Variants in AXIN1 observed in about 807,000 individuals in gnomAD.
The protein encoded by AXIN1 is axin 1, also known as axin-1.
A neutral mutation model predicts 76.4 loss-of-function variants in AXIN1; 30 were observed. That is an observed-to-expected ratio of 0.39 (90% confidence interval 0.29 to 0.53). The LOEUF (loss-of-function observed/expected upper bound fraction) is 0.53. Among genes scored for constraint, AXIN1 ranks in the 20% least tolerant of loss-of-function variants. The probability of loss-of-function intolerance (pLI) is 0.66; values close to 1 mark genes in which losing one functional copy is unlikely to be tolerated. For synonymous variants in AXIN1, 545 were observed against 501.4 expected (o/e 1.09, Z -1.16); for missense variants, 1,140 against 1,198.8 (o/e 0.95, Z 0.72).
rs2052615551 is a variant in AXIN1 at position 293,175 on chromosome 16, G to A, written c.2186+313C>T. The stretch of plus-strand genomic sequence containing the variant: ...GCGAGCAGCCTCTGGCTGGGGACCG[G>A]CGTTCCCCACACACTGGGGCCCTGC... On this transcript the variant is annotated intron_variant, in intron 8 of 10. Transcript: ENST00000262320. The surrounding 1 kb of genome is among the most constrained non-coding windows in gnomAD (Gnocchi z 4.6). 6.5e-6 allele frequency: 3 copies of A among 458,662 alleles called. No individual in the cohort carries two copies. Among genetic ancestry groups the A allele is most frequent in the South Asian group, 5.9e-5 (2 of 33,834 alleles). 28.4% of individuals were successfully genotyped at this position (458,662 alleles called of 1,614,324 possible).
At chr16:310,310 A>C (rs951639530) in intron 3 of AXIN1, among the ~76,000 whole-genome samples, 1 of 152,156 alleles carries the variant, frequency 6.6e-6, no homozygotes, top group Admixed American at 6.5e-5. Flanking sequence ...GCGTCTTCCT[A>C]GCTGGTATTT....
chr16:302,680 G>A (rs1302691235), intron 5 of AXIN1, among the ~76,000 whole-genome samples: 1 of 152,216 alleles, frequency 6.6e-6, no homozygotes, highest in African/African-American at 2.4e-5. Flanking sequence ...AAGAGTGAGT[G>A]TACCGAGGGG....
At chr16:290,292 G>A (rs556115192) in intron 9 of AXIN1, 4 of 158,014 alleles carry the variant, frequency 2.5e-5, no homozygotes, top group Admixed American at 1.8e-4. Flanking sequence ...TCCTGGCTGG[G>A]TGCACCAGAG....
intron 2 of AXIN1, among the ~76,000 whole-genome samples, chr16:321,948 T>C (rs2053468914): frequency 6.6e-6 from 1 of 152,220 alleles, no homozygotes; most frequent in African/African-American, 2.4e-5. Context: ...ACCAGCTGTA[T>C]TCTGAAAGAC....
chr16:339,834 C>G (rs2053880467), intron 2 of AXIN1, among the ~76,000 whole-genome samples: 1 of 152,180 alleles, frequency 6.6e-6, no homozygotes, highest in Non-Finnish European at 1.5e-5. Flanking sequence ...CAGCAGAGGT[C>G]CCCTTAACAA....
chr16:322,120 G>T (rs2053472254), intron 2 of AXIN1, among the ~76,000 whole-genome samples: 1 of 152,338 alleles, frequency 6.6e-6, no homozygotes, highest in East Asian at 1.9e-4. Context: ...AGCACAGAGA[G>T]CCCCGTCTTG....
chr16:313,134 T>C (rs1480972785), intron 3 of AXIN1, among the ~76,000 whole-genome samples: 1 of 152,206 alleles, frequency 6.6e-6, no homozygotes, highest in Non-Finnish European at 1.5e-5. Flanking sequence ...AGGCCTCGTC[T>C]CCACAAAAAT....
chr16:320,686 T>C (rs1288626420), intron 2 of AXIN1, among the ~76,000 whole-genome samples: 1 of 149,696 alleles, frequency 6.7e-6, no homozygotes, highest in Admixed American at 6.7e-5. Context: ...TATATGTGTG[T>C]ATATATGTAT....
Position 352,508 on chromosome 16 carries a change from G to A in AXIN1, c.-221C>T. 1 of 812,996 alleles carries A rather than the reference G, an allele frequency of 1.2e-6. No homozygotes were observed. Among genetic ancestry groups the A allele is most frequent in the Non-Finnish European group, 1.5e-6 (1 of 675,638 alleles). The allele number at this position is 812,996 out of a possible 1,614,324, so 50.4% of individuals were successfully genotyped here. ...GGGCGGCCCCCATCTCGGCGGCTGC[G>A]GCTCGGCGGCCCGGAGGCGGACGCG... On this transcript the variant is annotated 5_prime_UTR_variant, in exon 1 of 11. Coordinates refer to ENST00000262320, the MANE Select transcript of AXIN1 (RefSeq NM_003502.4).
At chr16:291,367 AT>A in intron 8 of AXIN1, 70 bp from the exon 9 acceptor site, 1 of 1,306,156 alleles carries the variant, frequency 7.7e-7, no homozygotes, top group Non-Finnish European at 1.1e-6. Context: ...GCCTCGACCA[AT>A]GCTGCTGCGC....
At chr16:304,692 G>A (rs921465289) in intron 4 of AXIN1, among the ~76,000 whole-genome samples, 3 of 152,024 alleles carry the variant, frequency 2.0e-5, no homozygotes, top group Admixed American at 6.6e-5. Flanking sequence ...CCGCCACCAC[G>A]CCTGGCTAAT....
intron 2 of AXIN1, among the ~76,000 whole-genome samples, chr16:326,916 G>A (rs1250348954): frequency 1.3e-5 from 2 of 151,770 alleles, no homozygotes; most frequent in Non-Finnish European, 2.9e-5. Context: ...CGAGGCGGGG[G>A]GATCACGAGG....
intron 3 of AXIN1, among the ~76,000 whole-genome samples, chr16:313,514 G>A (rs1357268557): frequency 1.3e-5 from 2 of 152,210 alleles, no homozygotes; most frequent in South Asian, 2.1e-4. Context: ...GTGGTGGTCC[G>A]CGGGCTCCAG....
At chr16:337,723 C>A (rs1042166712) in intron 2 of AXIN1, among the ~76,000 whole-genome samples, 2 of 152,188 alleles carry the variant, frequency 1.3e-5, no homozygotes, top group East Asian at 1.9e-4. Context: ...AAAGGAAGCC[C>A]GTGGGCCGAG....
At chr16:332,433 T>G (rs987928355) in intron 2 of AXIN1, among the ~76,000 whole-genome samples, 1 of 151,694 alleles carries the variant, frequency 6.6e-6, no homozygotes, top group Admixed American at 6.6e-5. Context: ...AAAAATTAGC[T>G]GGGCGTGGTG....
At chr16:326,825 T>C (rs1307169488) in intron 2 of AXIN1, among the ~76,000 whole-genome samples, 3 of 151,496 alleles carry the variant, frequency 2.0e-5, no homozygotes, top group Non-Finnish European at 4.4e-5. Context: ...GGATGTGGCC[T>C]CTGCCTGAAG....
intron 10 of AXIN1, 94 bp from the exon 11 acceptor site, chr16:288,342 G>T (rs764175859): frequency 3.5e-5 from 56 of 1,580,018 alleles, no homozygotes; most frequent in Non-Finnish European, 4.4e-5. Context: ...ACCCCATCCC[G>T]AGGAGCCTCC....
chr16:344,342 A>G (rs1322540341), intron 2 of AXIN1, among the ~76,000 whole-genome samples: 2 of 149,768 alleles, frequency 1.3e-5, no homozygotes, highest in African/African-American at 2.5e-5. Context: ...GGGCAGGAGA[A>G]CGGCGTGAAC....
At chr16:343,294 G>A (rs2053965554) in intron 2 of AXIN1, among the ~76,000 whole-genome samples, 1 of 152,242 alleles carries the variant, frequency 6.6e-6, no homozygotes, top group Admixed American at 6.5e-5. Flanking sequence ...ACTGCTCGCA[G>A]CCAAGAACTG....
Sources: allele counts gnomAD v4.1 joint callset (sites outside exome capture counted in the v4.1 genomes callset), GRCh38; gene constraint gnomAD v4.1.1; non-coding constraint Gnocchi (gnomAD v3.1); transcripts MANE v1.5; gene names NCBI Gene and HGNC (gene_info 2026-07-23, HGNC 2026-07-21).